ITFG1: variants seen among roughly 807,000 people sequenced by gnomAD.
The protein encoded by ITFG1 is T-cell immunomodulatory protein.
A neutral mutation model predicts 81.8 loss-of-function variants in ITFG1; 34 were observed. The ratio of observed to expected loss-of-function variants is 0.42; its 90% CI spans 0.32 to 0.55. The LOEUF (loss-of-function observed/expected upper bound fraction) is 0.55. Ranked by LOEUF, ITFG1 falls within the 20% of genes least tolerant of loss-of-function variation. The pLI, the probability that ITFG1 is intolerant of heterozygous loss-of-function variation, is 0.17. For missense variants in ITFG1, 672 were observed against 755.4 expected, an observed-to-expected ratio of 0.89 and a Z score of 1.29; for synonymous variants, 285 against 270.6, an observed-to-expected ratio of 1.05 and a Z score of -0.52.
At chr16:47,181,468 C>A (rs1438445616) in intron 14 of ITFG1, among the ~76,000 whole-genome samples, 1 of 145,734 alleles carries the variant, frequency 6.9e-6, no homozygotes, top group African/African-American at 2.5e-5. Context: ...GTCAGCCCCC[C>A]CGCCCGGCCA....
intron 8 of ITFG1, among the ~76,000 whole-genome samples, chr16:47,340,772 A>G (rs548242123): frequency 6.6e-6 from 1 of 152,328 alleles, no homozygotes; most frequent in African/African-American, 2.4e-5. Flanking sequence ...TGTTGTCTAT[A>G]AGAGACTCTA....
chr16:47,287,929 A>G (rs570103871), intron 10 of ITFG1, among the ~76,000 whole-genome samples: 1 of 152,322 alleles, frequency 6.6e-6, no homozygotes, highest in South Asian at 2.1e-4. Context: ...AATTTACTCA[A>G]TTATCTTCTG....
At chr16:47,315,791 A>ATAT (rs199525088) in intron 8 of ITFG1, among the ~76,000 whole-genome samples, 1 of 149,348 alleles carries the variant, frequency 6.7e-6, no homozygotes, top group African/African-American at 2.6e-5. Context: ...ACATATATAT[A>ATAT]ATTTATTATT....
intron 17 of ITFG1, among the ~76,000 whole-genome samples, chr16:47,156,553 T>C (rs944318425): frequency 1.1e-4 from 17 of 152,242 alleles, no homozygotes; most frequent in Non-Finnish European, 2.1e-4. Flanking sequence ...CCGTTTTGTA[T>C]CTTGTTCTCC....
intron 10 of ITFG1, among the ~76,000 whole-genome samples, chr16:47,272,735 A>G (rs189484682): frequency 3.7e-4 from 56 of 152,038 alleles, no homozygotes; most frequent in African/African-American, 1.1e-3. Context: ...TATAGAATAA[A>G]TGGGTGAATT....
intron 10 of ITFG1, among the ~76,000 whole-genome samples, chr16:47,268,146 C>G (rs924164896): frequency 1.3e-5 from 2 of 151,296 alleles, no homozygotes; most frequent in Admixed American, 6.6e-5. Flanking sequence ...CTCAGAATGG[C>G]CATTAAAAAA....
chr16:47,439,153 C>T (rs143815883), intron 5 of ITFG1, among the ~76,000 whole-genome samples: 3,818 of 152,158 alleles, frequency 0.025, 136 homozygotes, highest in African/African-American at 0.078. Context: ...TAGAAAGAAA[C>T]GAGCAAAGCC....
intron 5 of ITFG1, among the ~76,000 whole-genome samples, chr16:47,436,128 G>T (rs2151612319): frequency 1.3e-5 from 2 of 152,110 alleles, no homozygotes; most frequent in South Asian, 4.1e-4. Context: ...TTATCATGAT[G>T]TAAAATGATT....
At chr16:47,244,805 C>T (rs1965980235) in intron 12 of ITFG1, among the ~76,000 whole-genome samples, 1 of 151,900 alleles carries the variant, frequency 6.6e-6, no homozygotes, top group African/African-American at 2.4e-5. Flanking sequence ...TCAGTGTCTC[C>T]TAATAAGTGA....
intron 10 of ITFG1, among the ~76,000 whole-genome samples, chr16:47,281,680 C>T (rs936558017): frequency 6.6e-6 from 1 of 152,088 alleles, no homozygotes; most frequent in Non-Finnish European, 1.5e-5. Context: ...TTCATTGCAA[C>T]AACACTAATC....
At chr16:47,329,849 C>T (rs936599510) in intron 8 of ITFG1, among the ~76,000 whole-genome samples, 13 of 152,086 alleles carry the variant, frequency 8.5e-5, no homozygotes, top group African/African-American at 2.9e-4. Flanking sequence ...CCCATATTCT[C>T]GTCTACTTCC....
At chr16:47,442,987 T>G (rs1267135251) in intron 5 of ITFG1, among the ~76,000 whole-genome samples, 2 of 152,068 alleles carry the variant, frequency 1.3e-5, no homozygotes, top group Non-Finnish European at 2.9e-5. Context: ...GGAGAAAATT[T>G]TTGCAACCTA....
chr16:47,305,639 A>ATT lies in ITFG1; in HGVS notation c.1070+5600_1070+5601insAA, dbSNP rs565488897. On this transcript the variant is annotated intron_variant, in intron 10 of 17. Coordinates refer to ENST00000320640, the MANE Select transcript of ITFG1 (RefSeq NM_030790.5). ...ACAAATCCAGTATCTTAGAAAGAAC[A>ATT]TAAGAGGTTACCTGCAATGAACAAT... 1.1e-4 allele frequency among the ~76,000 whole-genome samples: 17 copies of ATT among 152,314 alleles called. No homozygotes were observed. In the East Asian group the frequency reaches 3.3e-3, roughly 29 times the overall value.
chr16:47,247,201 G>C (rs1966011361), intron 12 of ITFG1, among the ~76,000 whole-genome samples: 1 of 152,088 alleles, frequency 6.6e-6, no homozygotes, highest in Admixed American at 6.5e-5. Flanking sequence ...GAAATTTACA[G>C]ACCATATAAA....
At chr16:47,344,434 G>A (rs752862308) in intron 8 of ITFG1, among the ~76,000 whole-genome samples, 36 of 152,108 alleles carry the variant, frequency 2.4e-4, no homozygotes, top group Non-Finnish European at 4.6e-4. Context: ...CTGTCTCATA[G>A]TTTATTAAAA....
At position 47,155,171 on chromosome 16, in the gene ITFG1, T is replaced by C. The variant is rs1964684070; in HGVS notation, c.*548A>G. 6.6e-6 allele frequency: 1 copy of C among 152,224 alleles called. No homozygotes were observed. The highest frequency in any genetic ancestry group is 2.4e-5 in the African/African-American group (1 of 41,438). 9.4% of individuals were successfully genotyped at this position (152,224 alleles called of 1,614,324 possible). ...GAGCCAAGTTCAAACAATGACTTTG[T>C]AAGTGGTTGAATTAGGAGTTTAAGG... is the stretch of plus-strand genomic sequence containing the variant. On this transcript the variant is annotated 3_prime_UTR_variant, in exon 18 of 18. Coordinates refer to ENST00000320640, the MANE Select transcript of ITFG1 (RefSeq NM_030790.5).
At chr16:47,301,076 T>C (rs570501486) in intron 10 of ITFG1, among the ~76,000 whole-genome samples, 20 of 152,340 alleles carry the variant, frequency 1.3e-4, no homozygotes, top group Non-Finnish European at 2.5e-4. Flanking sequence ...CACAGAAATC[T>C]ATGTGCCTTA....
intron 10 of ITFG1, among the ~76,000 whole-genome samples, chr16:47,287,337 C>T (rs922217785): frequency 6.6e-5 from 10 of 152,190 alleles, no homozygotes. Context: ...ATGCCCTGGC[C>T]TCCCAAAGGG....
intron 3 of ITFG1, among the ~76,000 whole-genome samples, chr16:47,453,188 T>A (rs1256925292): frequency 6.6e-6 from 1 of 152,196 alleles, no homozygotes; most frequent in Non-Finnish European, 1.5e-5. Flanking sequence ...TGCATGGTAC[T>A]CCCTCTGTAA....
Sources: gnomAD v4.1 joint callset for allele counts (sites outside exome capture counted in the v4.1 genomes callset) on GRCh38, gnomAD v4.1.1 for gene constraint, MANE v1.5 for transcripts, NCBI Gene and HGNC (gene_info 2026-07-23, HGNC 2026-07-21) for gene names.